TSC22D3: variants seen among roughly 807,000 people sequenced by gnomAD.
TSC22D3 encodes the protein TSC22 domain family member 3.
In TSC22D3, 4 loss-of-function variants were observed where a neutral mutation model predicts 11.1. The observed-to-expected ratio is 0.36, with a 90% CI of 0.18 to 0.83. The LOEUF (loss-of-function observed/expected upper bound fraction) is 0.83. TSC22D3 is among the 40% of genes least tolerant of loss of function. The pLI, the probability that TSC22D3 is intolerant of heterozygous loss-of-function variation, is 0.48. For synonymous variants in TSC22D3, 77 were observed against 70.3 expected, an observed-to-expected ratio of 1.10 and a Z score of -0.48; for missense variants, 118 against 159.4, an observed-to-expected ratio of 0.74 and a Z score of 1.40.
chrX:107,738,572 C>A (rs1258509777), intron 1 of TSC22D3, among the ~76,000 whole-genome samples: 1 of 113,172 alleles, frequency 8.8e-6, no homozygotes, highest in Non-Finnish European at 1.9e-5. Context: ...ATGCCCCACA[C>A]CCCACTAGTT....
intron 1 of TSC22D3, among the ~76,000 whole-genome samples, chrX:107,736,219 C>G (rs1195301634): frequency 1.8e-5 from 2 of 111,821 alleles, no homozygotes; most frequent in Non-Finnish European, 3.8e-5. Context: ...AACAAAGCAG[C>G]CTGAGTGGTA....
intron 1 of TSC22D3, among the ~76,000 whole-genome samples, chrX:107,737,329 A>G (rs759266445): frequency 8.9e-6 from 1 of 112,133 alleles, no homozygotes; most frequent in Non-Finnish European, 1.9e-5. Flanking sequence ...GAGCTACTCA[A>G]AACTCCAGTA....
At chrX:107,759,906 C>T (rs1340680811) in intron 1 of TSC22D3, among the ~76,000 whole-genome samples, 1 of 112,304 alleles carries the variant, frequency 8.9e-6, no homozygotes, top group East Asian at 2.8e-4. Flanking sequence ...GCTGTGGGGG[C>T]GGGAGGAAAT....
intron 1 of TSC22D3, among the ~76,000 whole-genome samples, chrX:107,756,647 G>T (rs898157158): frequency 8.9e-6 from 1 of 112,419 alleles, no homozygotes; most frequent in Non-Finnish European, 1.9e-5. Flanking sequence ...CCAGGGCACC[G>T]GCCGTTATTA....
chrX:107,727,365 T>C (rs915322580), intron 1 of TSC22D3, among the ~76,000 whole-genome samples: 42 of 112,494 alleles, frequency 3.7e-4, no homozygotes, highest in African/African-American at 1.4e-3. Flanking sequence ...ACTAGCCAGC[T>C]GGCGACTTCA....
At chrX:107,730,941 T>A (rs1431576399) in intron 1 of TSC22D3, among the ~76,000 whole-genome samples, 2 of 112,120 alleles carry the variant, frequency 1.8e-5, no homozygotes, top group Non-Finnish European at 3.8e-5. Flanking sequence ...CAATGCCCGC[T>A]TTAAGAGAGA....
intron 1 of TSC22D3, among the ~76,000 whole-genome samples, chrX:107,762,471 C>A (rs1263169502): frequency 2.7e-5 from 3 of 112,003 alleles, no homozygotes; most frequent in Non-Finnish European, 5.6e-5. Context: ...CTTCACCTTT[C>A]ACACATACAC....
intron 1 of TSC22D3, among the ~76,000 whole-genome samples, chrX:107,729,195 G>T (rs1297826308): frequency 8.9e-6 from 1 of 111,984 alleles, no homozygotes; most frequent in Admixed American, 9.4e-5. Context: ...GACCCCGTTT[G>T]CTTGCTCATC....
At chrX:107,722,047 G>A in intron 1 of TSC22D3, 1 of 347,923 alleles carries the variant, frequency 2.9e-6, no homozygotes. Flanking sequence ...AAGTCCAGAA[G>A]GAGGGAAGCA....
At chrX:107,766,900 T>A (rs1017641909) in intron 1 of TSC22D3, among the ~76,000 whole-genome samples, 6 of 110,604 alleles carry the variant, frequency 5.4e-5, no homozygotes, top group Admixed American at 4.8e-4. Context: ...GGCTGTTACA[T>A]AAGATGTGCT....
intron 1 of TSC22D3, chrX:107,716,480 C>A: frequency 1.0e-6 from 1 of 1,003,147 alleles, no homozygotes; most frequent in South Asian, 3.0e-5. Flanking sequence ...GTTTTCACGG[C>A]GCAGCGGCCG....
At chrX:107,774,156 T>C (rs1038696882) in intron 1 of TSC22D3, among the ~76,000 whole-genome samples, 1 of 111,903 alleles carries the variant, frequency 8.9e-6, no homozygotes, top group Non-Finnish European at 1.9e-5. Flanking sequence ...CACACACATG[T>C]TGGTGCCCTA....
chrX:107,762,846 CTTTTTTTT>C (rs1170456785), intron 1 of TSC22D3, among the ~76,000 whole-genome samples: 4 of 44,801 alleles, frequency 8.9e-5, no homozygotes, highest in Admixed American at 7.6e-4. Flanking sequence ...TGCACATGTA[CTTTTTTTT>C]TTTTTTTTTT....
chrX:107,772,254 C>T (rs779852855), intron 1 of TSC22D3, among the ~76,000 whole-genome samples: 28 of 111,694 alleles, frequency 2.5e-4, no homozygotes, highest in Admixed American at 8.6e-4. Flanking sequence ...GGGAGACTAG[C>T]TTCTCCAGCA....
intron 1 of TSC22D3, among the ~76,000 whole-genome samples, chrX:107,768,148 G>C (rs1196027614): frequency 8.9e-6 from 1 of 112,214 alleles, no homozygotes; most frequent in East Asian, 2.8e-4. Context: ...GCAGAATCAC[G>C]ATGAGCAAAC....
chrX:107,740,560 G>T (rs763074708), intron 1 of TSC22D3, among the ~76,000 whole-genome samples: 1 of 109,717 alleles, frequency 9.1e-6, no homozygotes, highest in African/African-American at 3.3e-5. Flanking sequence ...CCAGCCTGGC[G>T]ACAGAGCAAG....
chrX:107,755,182 G>C (rs1240039222), intron 1 of TSC22D3, among the ~76,000 whole-genome samples: 1 of 112,745 alleles, frequency 8.9e-6, no homozygotes, highest in Non-Finnish European at 1.9e-5. Context: ...CAAGGGATGG[G>C]ATAACTACAA....
At chrX:107,741,009 C>T (rs1037748974) in intron 1 of TSC22D3, among the ~76,000 whole-genome samples, 5 of 109,877 alleles carry the variant, frequency 4.6e-5, no homozygotes, top group Admixed American at 2.9e-4. Flanking sequence ...TGTGGCCAGG[C>T]TGGCAGGGGA....
chrX:107,714,261 C>A lies in TSC22D3; in HGVS notation c.*258G>T. 3.1e-6 allele frequency: 1 copy of A among 324,103 alleles called. No individual in the cohort carries two copies. Among genetic ancestry groups the A allele is most frequent in the Non-Finnish European group, 5.4e-6 (1 of 185,412 alleles). The allele number at this position is 324,103 out of a possible 1,213,427, so 26.7% of individuals were successfully genotyped here. ...AAGTTGCCCAGGCCCTGGGAGCCCC[C>A]AGGGCGCAGTAGCATTAGAGGCTCA... is the stretch of plus-strand genomic sequence containing the variant. On this transcript the variant is annotated 3_prime_UTR_variant, in exon 3 of 3. Coordinates refer to ENST00000372383, the MANE Select transcript of TSC22D3 (RefSeq NM_198057.3).
Sources: allele counts gnomAD v4.1 joint callset (sites outside exome capture counted in the v4.1 genomes callset), GRCh38; gene constraint gnomAD v4.1.1; transcripts MANE v1.5; gene names NCBI Gene and HGNC (gene_info 2026-07-23, HGNC 2026-07-21).